TOP2A: variants seen among roughly 807,000 people sequenced by gnomAD.
The protein encoded by TOP2A is DNA topoisomerase II alpha, also known as DNA topoisomerase 2-alpha.
TOP2A carries 68 observed loss-of-function variants against 187.2 expected under a neutral mutation model. That is an observed-to-expected ratio of 0.36 (90% CI 0.30 to 0.44). The LOEUF is 0.44. Ranked by LOEUF, TOP2A falls within the 20% of genes least tolerant of loss-of-function variation. The pLI is 1.00. For missense variants in TOP2A, 1,196 were observed against 1,808.7 expected (o/e 0.66, Z 6.14); for synonymous variants, 542 against 593.2 (o/e 0.91, Z 1.25).
chr17:40,409,034 A>C, intron 10 of TOP2A: 1 of 353,842 alleles, frequency 2.8e-6, no homozygotes. Flanking sequence ...GGCTCTACTA[A>C]AAATACAAAA....
In TOP2A at chr17:40,413,562, A is replaced by C. The variant is rs1239264162; in HGVS notation, c.396T>G (p.Val132=). The stretch of plus-strand genomic sequence containing the variant: ...TGAGAGCTGGGACATACATCTTTTC[A>C]ACTTTGTGTTCAACAACAGGAATAC... ...GKGIPVVEHK[V]EKMYVPALIF... is the part of the protein sequence containing the mutation. Residue 132 remains valine, a synonymous_variant, in exon 5 of 35, where the codon GTT becomes GTG. Coordinates refer to ENST00000423485, the MANE Select transcript of TOP2A (RefSeq NM_001067.4). The C allele has an allele frequency of 6.6e-7, 1 of 1,522,492 alleles. No individual in the cohort carries two copies. The highest frequency in any genetic ancestry group is 8.9e-7 in the Non-Finnish European group (1 of 1,124,200). 94.3% of individuals were successfully genotyped at this position (1,522,492 alleles called of 1,614,324 possible). A position where few individuals can be genotyped will look rare whatever the true frequency, so the allele number is the denominator to read the frequency against.
At chr17:40,409,798 G>T (rs957917216) in intron 10 of TOP2A, among the ~76,000 whole-genome samples, 6 of 139,420 alleles carry the variant, frequency 4.3e-5, no homozygotes, top group Non-Finnish European at 6.3e-5. Flanking sequence ...AAAAAAAAAA[G>T]ACTGGGCACA....
chr17:40,402,305 T>C (rs1225016444), intron 20 of TOP2A, among the ~76,000 whole-genome samples: 2 of 152,138 alleles, frequency 1.3e-5, no homozygotes, highest in African/African-American at 4.8e-5. Flanking sequence ...AGTTGGGAGT[T>C]CAGGGGAGAG....
At position 40,413,499 on chromosome 17, in the gene TOP2A, A is replaced by G. The variant is rs752399144; in HGVS notation, c.459T>C (p.Asp153=). 6.5e-7 allele frequency: 1 copy of G among 1,531,530 alleles called. No individual in the cohort carries two copies. The highest frequency in any genetic ancestry group is 1.3e-5 in the South Asian group (1 of 78,420). 94.9% of individuals were successfully genotyped at this position (1,531,530 alleles called of 1,614,324 possible). A position where few individuals can be genotyped will look rare whatever the true frequency, so the allele number is the denominator to read the frequency against. The change falls in exon 5 of 35, where the codon GAT becomes GAC. Residue 153 remains aspartate (D), a synonymous_variant. Coordinates refer to ENST00000423485, the MANE Select transcript of TOP2A (RefSeq NM_001067.4). The stretch of plus-strand genomic sequence containing the variant: ...CTCTACCTGTCACTTTCTTTTCATC[A>G]TCATCATAGTTACTAGAAGTTAGGA... The part of the protein sequence containing the change: ...GQLLTSSNYD[D]DEKKVTGGRN...
intron 28 of TOP2A, among the ~76,000 whole-genome samples, 181 bp downstream of exon 28, chr17:40,396,102 C>G (rs777464753): frequency 6.6e-6 from 1 of 151,478 alleles, no homozygotes; most frequent in Non-Finnish European, 1.5e-5. Flanking sequence ...GCCTCAGTCT[C>G]CCGAGTAGCT....
Position 40,391,492 on chromosome 17 carries a change from A to C in TOP2A, c.4267+14T>G, listed in dbSNP as rs375447437. 5 of 1,600,938 alleles carry C rather than the reference A, an allele frequency of 3.1e-6. No homozygotes were observed. In the African/African-American group the frequency reaches 6.7e-5, roughly 22 times the overall value. On this transcript the variant is annotated intron_variant, in intron 33 of 34. Coordinates refer to ENST00000423485, the MANE Select transcript of TOP2A (RefSeq NM_001067.4). ...TAATTGCAACATTAACCCATCTCAA[A>C]GATTTAGGCTTACTTTTTGCTGCTG...
intron 1 of TOP2A, among the ~76,000 whole-genome samples, chr17:40,417,363 C>T (rs1290797439): frequency 6.6e-6 from 1 of 152,104 alleles, no homozygotes; most frequent in Non-Finnish European, 1.5e-5. Flanking sequence ...TGTAAGCTGG[C>T]CAGCTGCTCC....
chr17:40,393,078 T>C (rs1219426738), intron 29 of TOP2A, among the ~76,000 whole-genome samples: 2 of 151,986 alleles, frequency 1.3e-5, no homozygotes, highest in African/African-American at 4.8e-5. Context: ...TCTCAGCACT[T>C]TGGGAGGGTG....
chr17:40,398,111 T>C (rs1237523844), intron 27 of TOP2A, among the ~76,000 whole-genome samples: 13 of 125,932 alleles, frequency 1.0e-4, no homozygotes, highest in Middle Eastern at 4.2e-3. Context: ...AATCTGTCCC[T>C]TTTTTTTTTT....
chr17:40,400,297 T>C lies in TOP2A; in HGVS notation c.2912A>G (p.Lys971Arg), dbSNP rs942204594. ...CTCTGCCAGTTTTTCTTCAGTCATCTTCACAACAAATTTCACAGTGGTATC... is the reference window on the plus strand; with the variant it reads ...CTCTGCCAGTTTTTCTTCAGTCATCCTCACAACAAATTTCACAGTGGTATC... The part of the protein sequence containing the change: ...HTDTTVKFVV[K>R]MTEEKLAEAE... Residue 971 changes from lysine to arginine, a missense_variant, in exon 23 of 35, where the codon AAG becomes AGG. Lys to Arg is a conservative substitution (Grantham distance 26, BLOSUM62 2). Around this residue, in one of 10 missense-constraint regions of TOP2A, gnomAD observed 232 missense variants for 306.1 expected, o/e 0.76. Transcript: ENST00000423485. The C allele has an allele frequency of 6.2e-6, 10 of 1,613,806 alleles. No individual in the cohort carries two copies. Among genetic ancestry groups the C allele is most frequent in the Admixed American group, 5.0e-5 (3 of 59,998 alleles).
At chr17:40,393,926 C>T (rs138867020) in intron 29 of TOP2A, among the ~76,000 whole-genome samples, 288 of 151,740 alleles carry the variant, frequency 1.9e-3, no homozygotes, top group African/African-American at 6.6e-3. Flanking sequence ...CATGGTGGTG[C>T]GTGCCTGTAA....
chr17:40,415,829 C>T (rs752020693), intron 4 of TOP2A, among the ~76,000 whole-genome samples, 176 bp downstream of exon 4: 9 of 152,062 alleles, frequency 5.9e-5, no homozygotes, highest in Admixed American at 2.0e-4. Flanking sequence ...TATGGAAAAA[C>T]GTTGGCAACT....
Position 40,413,640 on chromosome 17 carries a change from T to C in TOP2A, c.333-15A>G. 2 of 1,211,012 alleles carry C rather than the reference T, an allele frequency of 1.7e-6. No homozygotes were observed. Among genetic ancestry groups the C allele is most frequent in the Admixed American group, 2.8e-5 (1 of 35,672 alleles). 75.0% of individuals were successfully genotyped at this position (1,211,012 alleles called of 1,614,324 possible). On this transcript the variant is annotated splice_polypyrimidine_tract_variant and intron_variant, in intron 4 of 34. Transcript: ENST00000423485. ...AATTGTTTTCCCTAAGAAAAAAAGA[T>C]TGAAAATTGTATTTTACAACACATT...
rs756124316 is a variant in TOP2A, at chr17:40,408,622, G to A, written c.1212C>T (p.Gly404=). 2 of 1,613,738 alleles carry A rather than the reference G, an allele frequency of 1.2e-6. No homozygotes were observed. The highest frequency in any genetic ancestry group is 1.1e-5 in the South Asian group (1 of 91,084). The change falls in exon 11 of 35, where the codon GGC becomes GGT. Residue 404 remains glycine (G), a synonymous_variant. Transcript: ENST00000423485. ...TTAGTATGCTTTCTACAATACCACAGCCAATGGCCTGAAAACGAGAAGATT... is the reference window on the plus strand; with the variant it reads ...TTAGTATGCTTTCTACAATACCACAACCAATGGCCTGAAAACGAGAAGATT... ...LSEKFIKAAI[G]CGIVESILNW...
Position 40,411,847 on chromosome 17 carries a change from A to G in TOP2A, c.790-29T>C, listed in dbSNP as rs547871062. On this transcript the variant is annotated intron_variant, in intron 7 of 34. Coordinates refer to ENST00000423485, the MANE Select transcript of TOP2A (RefSeq NM_001067.4). This position sits in a 1 kb window ranked among gnomAD's most constrained non-coding sequence, Gnocchi z 4.4. ...TACAGGAATTAAAGGTAACAGTATTAAGAAAGTTATTAAAAAATAGGTTCA... is the reference window on the plus strand; with the variant it reads ...TACAGGAATTAAAGGTAACAGTATTGAGAAAGTTATTAAAAAATAGGTTCA... 7.8e-6 allele frequency: 12 copies of G among 1,532,710 alleles called. No homozygotes were observed. In the South Asian group the frequency reaches 1.3e-4, roughly 16 times the overall value. 94.9% of individuals were successfully genotyped at this position (1,532,710 alleles called of 1,614,324 possible). A position where few individuals can be genotyped will look rare whatever the true frequency, so the allele number is the denominator to read the frequency against.
rs368850749 is a variant in TOP2A at position 40,411,642 on chromosome 17, T to C, written c.963+3A>G. ...ATGATTAATAATTTAAGAATAAAAT[T>C]ACCTTGGATGTAGCAATGCTGTTGA... On this transcript the variant is annotated splice_donor_region_variant and intron_variant, in intron 8 of 34. Transcript: ENST00000423485. The surrounding 1 kb of genome is among the most constrained non-coding windows in gnomAD (Gnocchi z 4.4). The C allele has an allele frequency of 1.7e-5, 27 of 1,604,178 alleles. No individual in the cohort carries two copies. Among genetic ancestry groups the C allele is most frequent in the Non-Finnish European group, 2.3e-5 (27 of 1,177,110 alleles).
At chr17:40,398,470 A>T in intron 27 of TOP2A, 88 bp downstream of exon 27, 1 of 1,168,376 alleles carries the variant, frequency 8.6e-7, no homozygotes, top group Non-Finnish European at 1.2e-6. Flanking sequence ...TTTTATTGCC[A>T]ATTGTGAACT....
At chr17:40,392,006 C>T in intron 32 of TOP2A, 62 bp downstream of exon 32, 1 of 1,538,988 alleles carries the variant, frequency 6.5e-7, no homozygotes, top group Non-Finnish European at 8.8e-7. Flanking sequence ...AGGATTAGAA[C>T]CCAGTTGGAT....
At position 40,405,900 on chromosome 17, in the gene TOP2A, G is replaced by A. The variant is rs2035238645; in HGVS notation, c.1953+484C>T. Among the ~76,000 whole-genome samples the A allele has an allele frequency of 4.6e-5, 7 of 151,840 alleles. 1 individual carries two copies. The highest frequency in any genetic ancestry group is 4.6e-4 in the Admixed American group (7 of 15,238). On this transcript the variant is annotated intron_variant, in intron 16 of 34. Transcript: ENST00000423485. ...TCCTGCCTCAGCTTCCCAAGTAGCTGGGACTATAGCTGCGTGCCACCACGG... is the reference window on the plus strand; with the variant it reads ...TCCTGCCTCAGCTTCCCAAGTAGCTAGGACTATAGCTGCGTGCCACCACGG...
Sources: allele counts gnomAD v4.1 joint callset (sites outside exome capture counted in the v4.1 genomes callset), GRCh38; gene constraint gnomAD v4.1.1; regional missense constraint gnomAD v4.1.1; non-coding constraint Gnocchi (gnomAD v3.1); transcripts MANE v1.5; gene names NCBI Gene and HGNC (gene_info 2026-07-23, HGNC 2026-07-21).